Variants in GPT observed in about 807,000 individuals in gnomAD.
GPT encodes the protein glutamic--pyruvic transaminase.
A neutral mutation model predicts 51.4 loss-of-function variants in GPT; 60 were observed. The ratio of observed to expected loss-of-function variants is 1.17; its 90% CI spans 0.95 to 1.45. The LOEUF (loss-of-function observed/expected upper bound fraction) is 1.45, where lower values mean the gene tolerates loss of function less well. Among genes scored for constraint, GPT ranks in the 40% most tolerant of loss-of-function variants. The pLI, the probability that GPT is intolerant of heterozygous loss-of-function variation, is 0.00. For missense variants in GPT, 853 were observed against 704.0 expected (o/e 1.21, Z -2.40); for synonymous variants, 397 against 303.1 (o/e 1.31, Z -3.22).
chr8:144,504,300 G>C lies in GPT; in HGVS notation c.-5G>C. On this transcript the variant is annotated 5_prime_UTR_variant, in exon 1 of 11. Transcript: ENST00000394955. ...GCTGCCTTCCCGCCTGGTCTGGGTAGAGTCATGGCCTCGAGCACAGGTGAC... is the reference window on the plus strand; with the variant it reads ...GCTGCCTTCCCGCCTGGTCTGGGTACAGTCATGGCCTCGAGCACAGGTGAC... 1 of 1,607,700 alleles carries C rather than the reference G, an allele frequency of 6.2e-7. No homozygotes were observed. Among genetic ancestry groups the C allele is most frequent in the Non-Finnish European group, 8.5e-7 (1 of 1,179,794 alleles).
chr8:144,505,077 C>G lies in GPT; in HGVS notation c.441C>G (p.Ile147Met). Residue 147 changes from isoleucine to methionine, a missense_variant, in exon 4 of 11, where the codon ATC becomes ATG. Transcript: ENST00000394955. ...ACATTGAGAGGCGTGACGGAGGCAT[C>G]CCTGCGGACCCCAACAACGTCTTCC... ...ARYIERRDGG[I>M]PADPNNVFLS... 6.2e-7 allele frequency: 1 copy of G among 1,613,156 alleles called. No homozygotes were observed.
At chr8:144,503,414 C>G (rs1297640997), upstream of GPT, among the ~76,000 whole-genome samples, 1 of 152,152 alleles carries the variant, frequency 6.6e-6, no homozygotes. Flanking sequence ...CTGGAGAGCT[C>G]AGGTCACCCC....
Position 144,505,932 on chromosome 8 carries a change from G to C in GPT, c.819+5G>C, listed in dbSNP as rs781279489. 9 of 1,609,974 alleles carry C rather than the reference G, an allele frequency of 5.6e-6. No homozygotes were observed. Among genetic ancestry groups the C allele is most frequent in the Non-Finnish European group, 7.6e-6 (9 of 1,178,906 alleles). ...CTCTTTCTGCTGGCGGACGAGGTGC[G>C]CGGCGCGGGGGAGCGGGAAGCCGGG... On this transcript the variant is annotated splice_donor_5th_base_variant and intron_variant, in intron 6 of 10. Coordinates refer to ENST00000394955, the MANE Select transcript of GPT (RefSeq NM_005309.3).
chr8:144,505,745 G>A, intron 5 of GPT, 103 bp from the exon 6 acceptor site: 1 of 1,005,384 alleles, frequency 9.9e-7, no homozygotes, highest in South Asian at 1.4e-5. Context: ...ACCCACGTGC[G>A]CCCTGGCCCA....
Position 144,506,205 on chromosome 8 carries a change from C to T in GPT, c.957-27C>T, listed in dbSNP as rs752130961. ...TCCTCGCCCGATGGGCCACCCCCTCCTCCGCACCTGACCTGGCCGTGCGCA... is the reference window on the plus strand; with the variant it reads ...TCCTCGCCCGATGGGCCACCCCCTCTTCCGCACCTGACCTGGCCGTGCGCA... On this transcript the variant is annotated intron_variant, in intron 7 of 10. Transcript: ENST00000394955. The surrounding 1 kb of genome is among the most constrained non-coding windows in gnomAD (Gnocchi z 7.0). The T allele has an allele frequency of 6.2e-7, 1 of 1,603,242 alleles. No homozygotes were observed. The highest frequency in any genetic ancestry group is 8.5e-7 in the Non-Finnish European group (1 of 1,176,550).
At chr8:144,504,522 C>T (rs2130612884) in intron 1 of GPT, 56 bp downstream of exon 1, 1 of 1,608,162 alleles carries the variant, frequency 6.2e-7, no homozygotes, top group East Asian at 2.2e-5. Context: ...GCCGAGTTGG[C>T]CCCAGCCCCA....
rs754179437 is a variant in GPT at position 144,506,135 on chromosome 8, C to T, written c.956+4C>T. 4.3e-6 allele frequency: 7 copies of T among 1,611,060 alleles called. No homozygotes were observed. The Admixed American group carries it at 5.0e-5, about 12-fold the overall frequency. On this transcript the variant is annotated splice_donor_region_variant and intron_variant, in intron 7 of 10. Transcript: ENST00000394955. The surrounding 1 kb of genome is among the most constrained non-coding windows in gnomAD (Gnocchi z 7.0). ...CCTCCAAGGGCTACATGGGCGAGTG[C>T]GTGCGTACGAGGCGGGTGGGGGCTC...
rs773828325 is a variant in GPT, at chr8:144,506,366, C to A, written c.1091C>A (p.Pro364Gln). The A allele has an allele frequency of 6.4e-7, 1 of 1,563,884 alleles. No individual in the cohort carries two copies. The highest frequency in any genetic ancestry group is 2.4e-5 in the East Asian group (1 of 42,386). Residue 364 changes from proline (P) to glutamine (Q), a missense_variant, in exon 8 of 11, where the codon CCG (proline) becomes CAG (glutamine). Transcript: ENST00000394955. This position sits in a 1 kb window ranked among gnomAD's most constrained non-coding sequence, Gnocchi z 7.0. ...GQALLDLVVS[P>Q]PAPTDPSFAQ... ...GCCCTGCTGGACCTGGTGGTCAGCC[C>A]GCCCGCGCCCACCGACCCCTCCTTT...
At chr8:144,505,671 C>T (rs1214439734) in intron 5 of GPT, among the ~76,000 whole-genome samples, 177 bp from the exon 6 acceptor site, 1 of 101,596 alleles carries the variant, frequency 9.8e-6, no homozygotes, top group African/African-American at 3.9e-5. Flanking sequence ...CGTTCCCCGC[C>T]GCCCCGCCCC....
Position 144,506,370 on chromosome 8 carries a change from C to G in GPT, c.1095C>G (p.Pro365=), listed in dbSNP as rs757715535. Residue 365 remains proline, a synonymous_variant, in exon 8 of 11, where the codon CCC becomes CCG. Transcript: ENST00000394955. The surrounding 1 kb of genome is among the most constrained non-coding windows in gnomAD (Gnocchi z 7.0). ...TGCTGGACCTGGTGGTCAGCCCGCC[C>G]GCGCCCACCGACCCCTCCTTTGCGC... ...QALLDLVVSP[P]APTDPSFAQF... The G allele has an allele frequency of 3.2e-6, 5 of 1,560,968 alleles. No homozygotes were observed. Among genetic ancestry groups the G allele is most frequent in the Non-Finnish European group, 4.3e-6 (5 of 1,157,002 alleles).
Position 144,505,129 on chromosome 8 carries a change from G to C in GPT, c.493G>C (p.Val165Leu). 1 of 1,612,996 alleles carries C rather than the reference G, an allele frequency of 6.2e-7. No homozygotes were observed. Among genetic ancestry groups the C allele is most frequent in the Non-Finnish European group, 8.5e-7 (1 of 1,180,004 alleles). ...GTCCACAGGGGCCAGCGATGCCATC[G>C]TGGTAGGCTGGGCATGGGCACCAAG... Reference protein sequence around the residue: ...FLSTGASDAIVTVLKLLVAGE... With the variant: ...FLSTGASDAILTVLKLLVAGE... The change falls in exon 4 of 11, where the codon GTG (valine) becomes CTG (leucine). Residue 165 changes from valine (V) to leucine (L), a missense_variant and splice_region_variant. Val to Leu is a conservative substitution (Grantham distance 32). Coordinates refer to ENST00000394955, the MANE Select transcript of GPT (RefSeq NM_005309.3).
Position 144,506,922 on chromosome 8 carries a change from G to GC in GPT, c.1419dup (p.Glu475GlyfsTer72), listed in dbSNP as rs776744432. ...CAACTCCTTTCAGGATGACCATTCT[G>GC]CCCCCCTTGGAGAAACTGCGGCTGC... On this transcript the variant is annotated frameshift_variant, in exon 11 of 11. Coordinates refer to ENST00000394955, the MANE Select transcript of GPT (RefSeq NM_005309.3). LOFTEE classifies it high-confidence loss of function. This position sits in a 1 kb window ranked among gnomAD's most constrained non-coding sequence, Gnocchi z 7.0. The GC allele has an allele frequency of 2.8e-5, 45 of 1,612,792 alleles. No homozygotes were observed. The highest frequency in any genetic ancestry group is 3.8e-5 in the Non-Finnish European group (45 of 1,179,960).
At chr8:144,503,296 G>A (rs1306618721), upstream of GPT, among the ~76,000 whole-genome samples, 1 of 152,178 alleles carries the variant, frequency 6.6e-6, no homozygotes. Flanking sequence ...CGCTGGGGTG[G>A]GCCAGCGTGG....
rs758962078 is a variant in GPT, at chr8:144,505,448, G to A, written c.698G>A (p.Arg233His). The change falls in exon 5 of 11, where the codon CGC becomes CAC. Residue 233 changes from arginine (R) to histidine (H), a missense_variant. Coordinates refer to ENST00000394955, the MANE Select transcript of GPT (RefSeq NM_005309.3). Reference protein sequence around the residue: ...RALGQARDHCRPRALCVINPG... With the variant: ...RALGQARDHCHPRALCVINPG... ...CTGGGCCAGGCGCGTGACCACTGCCGCCCTCGTGCGCTCTGTGTCATCAAC... is the reference window on the plus strand; with the variant it reads ...CTGGGCCAGGCGCGTGACCACTGCCACCCTCGTGCGCTCTGTGTCATCAAC... 4 of 1,596,672 alleles carry A rather than the reference G, an allele frequency of 2.5e-6. No homozygotes were observed. Among genetic ancestry groups the A allele is most frequent in the Admixed American group, 3.4e-5 (2 of 58,186 alleles).
chr8:144,505,245 G>A lies in GPT; in HGVS notation c.496-1G>A. The A allele has an allele frequency of 6.2e-7, 1 of 1,607,168 alleles. No homozygotes were observed. The highest frequency in any genetic ancestry group is 8.5e-7 in the Non-Finnish European group (1 of 1,177,458). On this transcript the variant is annotated splice_acceptor_variant, in intron 4 of 10. Coordinates refer to ENST00000394955, the MANE Select transcript of GPT (RefSeq NM_005309.3). LOFTEE classifies it high-confidence loss of function. ...CCCTGCCTTCCCCTTCCTTTCCGCA[G>A]ACGGTGCTGAAGCTGCTGGTGGCCG...
chr8:144,504,739 T>C (rs911625286), intron 2 of GPT, 32 bp from the exon 3 acceptor site: 1 of 1,251,128 alleles, frequency 8.0e-7, no homozygotes, highest in Non-Finnish European at 1.1e-6. Context: ...CCCCAGCCCA[T>C]GTGCCCTGGC....
At position 144,504,462 on chromosome 8, in the gene GPT, G is replaced by T; in HGVS notation, c.158G>T (p.Arg53Leu). The T allele has an allele frequency of 6.2e-7, 1 of 1,609,170 alleles. No individual in the cohort carries two copies. Among genetic ancestry groups the T allele is most frequent in the Non-Finnish European group, 8.5e-7 (1 of 1,179,474 alleles). Residue 53 changes from arginine (R) to leucine (L), a missense_variant, in exon 1 of 11, where the codon CGC (arginine) becomes CTC (leucine). Transcript: ENST00000394955. ...GCCTTGGAGCTGGAGCAGGAGCTGC[G>T]CCAGGTATGGCCCAGGGCCCCTCGC... is the stretch of plus-strand genomic sequence containing the variant. The part of the protein sequence containing the change: ...QRALELEQEL[R>L]QGVKKPFTEV...
chr8:144,506,467 C>T lies in GPT; in HGVS notation c.1132-34C>T, dbSNP rs540894994. The T allele has an allele frequency of 3.4e-5, 54 of 1,581,242 alleles. No homozygotes were observed. The African/African-American group carries it at 6.6e-4, about 19-fold the overall frequency. On this transcript the variant is annotated intron_variant, in intron 8 of 10. Transcript: ENST00000394955. The surrounding 1 kb of genome is among the most constrained non-coding windows in gnomAD (Gnocchi z 7.0). The stretch of plus-strand genomic sequence containing the variant: ...ATCAGGGGTGGGGGATGCCGAGTGC[C>T]GTGCCCTGATGGGCCCTCCCTCCGC...
At position 144,504,357 on chromosome 8, in the gene GPT, C is replaced by T. The variant is rs747432300; in HGVS notation, c.53C>T (p.Ala18Val). 51 of 1,611,088 alleles carry T rather than the reference C, an allele frequency of 3.2e-5. No individual in the cohort carries two copies. The Admixed American group carries it at 4.8e-4, about 15-fold the overall frequency. Residue 18 changes from alanine to valine, a missense_variant, in exon 1 of 11, where the codon GCG (alanine) becomes GTG (valine). By Grantham distance (64) the Ala-to-Val change is moderately conservative. Transcript: ENST00000394955. ...RSQAVRHGLR[A>V]KVLTLDGMNP... ...CAGGCGGTGAGGCATGGACTGAGGG[C>T]GAAGGTGCTGACGCTGGACGGCATG...
Sources: allele counts gnomAD v4.1 joint callset (sites outside exome capture counted in the v4.1 genomes callset), GRCh38; gene constraint gnomAD v4.1.1; non-coding constraint Gnocchi (gnomAD v3.1); transcripts MANE v1.5; gene names NCBI Gene and HGNC (gene_info 2026-07-23, HGNC 2026-07-21).